The following CPNE4 variants were observed in gnomAD, a reference collection of about 807,000 sequenced individuals.
CPNE4 encodes the protein copine 4.
In CPNE4, 25 loss-of-function variants were observed where a neutral mutation model predicts 67.9. That is an observed-to-expected ratio of 0.37 (90% confidence interval 0.27 to 0.51). CPNE4 has a LOEUF of 0.51. Among genes scored for constraint, CPNE4 ranks in the 20% least tolerant of loss-of-function variants. The pLI is 0.93. For synonymous variants in CPNE4, 242 were observed against 244.9 expected (o/e 0.99, Z 0.11); for missense variants, 464 against 690.8 (o/e 0.67, Z 3.68).
chr3:131,731,179 G>A (rs901478379), intron 2 of CPNE4, among the ~76,000 whole-genome samples: 1 of 152,160 alleles, frequency 6.6e-6, no homozygotes, highest in South Asian at 2.1e-4. Flanking sequence ...GGCACACTGG[G>A]TTCTGCTTAT....
intron 1 of CPNE4, among the ~76,000 whole-genome samples, chr3:131,988,115 C>G (rs1321443694): frequency 6.6e-6 from 1 of 152,154 alleles, no homozygotes; most frequent in Non-Finnish European, 1.5e-5. Context: ...TTCCCCTTCC[C>G]CCAGGATTTA....
chr3:131,827,168 A>C (rs2085194471), intron 2 of CPNE4, among the ~76,000 whole-genome samples: 1 of 152,248 alleles, frequency 6.6e-6, no homozygotes, highest in African/African-American at 2.4e-5. Context: ...CTTTCAGCCC[A>C]GTTCTCAATT....
rs116344691 is a variant in CPNE4, at chr3:131,551,581, G to A, written c.1168+859C>T. Among the ~76,000 whole-genome samples the A allele has an allele frequency of 3.7e-3, 563 of 152,122 alleles. 4 individuals carry two copies. The highest frequency in any genetic ancestry group is 0.013 in the African/African-American group (534 of 41,540). On this transcript the variant is annotated intron_variant, in intron 13 of 15. Coordinates refer to ENST00000429747, the MANE Select transcript of CPNE4 (RefSeq NM_130808.3). ...ACATTAGTGGAAAAAATGGCAGAAT[G>A]GAGATTGGGTCTTGGAGGTTACTGT...
chr3:131,727,249 T>A (rs889848343), intron 2 of CPNE4, among the ~76,000 whole-genome samples: 1 of 152,208 alleles, frequency 6.6e-6, no homozygotes, highest in African/African-American at 2.4e-5. Flanking sequence ...TATGGTGTGA[T>A]GGTGAGAGAC....
At chr3:131,876,536 G>A (rs1285038277) in intron 2 of CPNE4, among the ~76,000 whole-genome samples, 5 of 151,186 alleles carry the variant, frequency 3.3e-5, no homozygotes, top group African/African-American at 1.2e-4. Context: ...CAGCTACTCG[G>A]GAGGGTGAGG....
chr3:131,750,001 T>TGCTGA (rs1483075979), intron 2 of CPNE4, among the ~76,000 whole-genome samples: 1 of 152,274 alleles, frequency 6.6e-6, no homozygotes, highest in Admixed American at 6.5e-5. Flanking sequence ...AGGCATCACA[T>TGCTGA]GCTGAGACAG....
chr3:131,888,549 C>T (rs979270754), intron 2 of CPNE4, among the ~76,000 whole-genome samples: 1 of 152,074 alleles, frequency 6.6e-6, no homozygotes, highest in African/African-American at 2.4e-5. Context: ...ATAAACTGAC[C>T]CCAAGAACAT....
intron 14 of CPNE4, 145 bp from the exon 15 acceptor site, chr3:131,542,938 T>C: frequency 3.2e-6 from 2 of 626,312 alleles, no homozygotes; most frequent in Non-Finnish European, 5.7e-6. Context: ...AATGTGCTGA[T>C]AGTCCTAAAG....
chr3:131,764,987 T>C (rs140926480), intron 2 of CPNE4, among the ~76,000 whole-genome samples: 1,666 of 152,206 alleles, frequency 0.011, 27 homozygotes, highest in African/African-American at 0.038. Context: ...CCAGTGGATT[T>C]TAGGAGGCAG....
chr3:131,778,974 C>T (rs1307144760), intron 2 of CPNE4, among the ~76,000 whole-genome samples: 1 of 152,044 alleles, frequency 6.6e-6, no homozygotes, highest in Admixed American at 6.6e-5. Context: ...ATCTAATAAA[C>T]AACTTCAACA....
upstream of CPNE4, among the ~76,000 whole-genome samples, chr3:132,038,519 T>C (rs952038084): frequency 6.6e-6 from 1 of 152,222 alleles, no homozygotes; most frequent in Non-Finnish European, 1.5e-5. Flanking sequence ...TTTTACATTT[T>C]ATCATGAGTG....
intron 2 of CPNE4, among the ~76,000 whole-genome samples, chr3:131,896,239 T>C (rs918176603): frequency 7.2e-5 from 11 of 152,042 alleles, no homozygotes; most frequent in African/African-American, 1.2e-4. Context: ...CTAATTTTGA[T>C]AATATACATA....
intron 1 of CPNE4, among the ~76,000 whole-genome samples, chr3:131,942,498 GA>G (rs2071429427): frequency 7.8e-6 from 1 of 127,838 alleles, no homozygotes; most frequent in Admixed American, 7.6e-5. Context: ...GAGAGAGAGA[GA>G]GAGAGAGAGA....
At chr3:131,668,500 A>G (rs10512815) in intron 7 of CPNE4, among the ~76,000 whole-genome samples, 50,116 of 151,790 alleles carry the variant, frequency 0.33, 8,642 homozygotes, top group African/African-American at 0.4. Context: ...CAGTTACCCA[A>G]TTCTGATTTC....
intron 5 of CPNE4, among the ~76,000 whole-genome samples, chr3:131,691,620 C>T (rs186852370): frequency 8.5e-5 from 13 of 152,130 alleles, no homozygotes. Context: ...GTAATGAGAT[C>T]AATTGTACTC....
chr3:131,921,080 G>A (rs2070728968), intron 1 of CPNE4, among the ~76,000 whole-genome samples: 1 of 152,148 alleles, frequency 6.6e-6, no homozygotes, highest in Non-Finnish European at 1.5e-5. Flanking sequence ...GACACTTACT[G>A]GGTGGCACCA....
chr3:132,011,513 C>G (rs988005374), intron 1 of CPNE4, among the ~76,000 whole-genome samples: 7 of 152,182 alleles, frequency 4.6e-5, no homozygotes, highest in Admixed American at 1.3e-4. Flanking sequence ...AACCTAGTAC[C>G]TGCAAAGAAA....
At chr3:131,564,966 T>C (rs749978693) in intron 10 of CPNE4, among the ~76,000 whole-genome samples, 37 of 152,018 alleles carry the variant, frequency 2.4e-4, no homozygotes, top group Non-Finnish European at 3.8e-4. Flanking sequence ...TGTTATCGCA[T>C]TGTGAGTGGG....
At chr3:131,848,776 C>T (rs958472801) in intron 2 of CPNE4, among the ~76,000 whole-genome samples, 3 of 151,534 alleles carry the variant, frequency 2.0e-5, no homozygotes, top group Non-Finnish European at 4.4e-5. Context: ...ATTGCCCAAG[C>T]ACAAACCAGG....
Sources: gnomAD v4.1 joint callset for allele counts (sites outside exome capture counted in the v4.1 genomes callset) on GRCh38, gnomAD v4.1.1 for gene constraint, MANE v1.5 for transcripts, NCBI Gene and HGNC (gene_info 2026-07-23, HGNC 2026-07-21) for gene names.